Variants in IL23R observed in about 807,000 individuals in gnomAD.
IL23R encodes the protein interleukin 23 receptor, also known as interleukin-23 receptor.
A neutral mutation model predicts 56.9 loss-of-function variants in IL23R; 34 were observed. The observed-to-expected ratio is 0.60, with a 90% CI of 0.45 to 0.80. The LOEUF is 0.80. Ranked by LOEUF, IL23R falls within the 30% of genes least tolerant of loss-of-function variation. The probability of loss-of-function intolerance (pLI) is 0.00; values close to 1 mark genes in which losing one functional copy is unlikely to be tolerated. For synonymous variants in IL23R, 230 were observed against 249.2 expected (o/e 0.92, Z 0.73); for missense variants, 635 against 730.0 (o/e 0.87, Z 1.50).
intron 5 of IL23R, among the ~76,000 whole-genome samples, chr1:67,203,121 A>T (rs1488757491): frequency 6.6e-6 from 1 of 151,982 alleles, no homozygotes; most frequent in African/African-American, 2.4e-5. Context: ...TAATAATAAT[A>T]CTTGTATTAT....
At chr1:67,142,505 T>G (rs140687846) in intron 1 of IL23R, among the ~76,000 whole-genome samples, 1 of 152,334 alleles carries the variant, frequency 6.6e-6, no homozygotes, top group African/African-American at 2.4e-5. Context: ...GCCTCTCCCA[T>G]TGGCCTGCTC....
intron 1 of IL23R, among the ~76,000 whole-genome samples, chr1:67,167,653 G>A (rs1364951441): frequency 6.6e-6 from 1 of 152,152 alleles, no homozygotes; most frequent in South Asian, 2.1e-4. Context: ...GAGCCCAGGA[G>A]TTTGAGGTTA....
intron 1 of IL23R, among the ~76,000 whole-genome samples, chr1:67,145,317 AGCCTGG>A (rs556412776): frequency 3.3e-5 from 5 of 152,212 alleles, no homozygotes; most frequent in Non-Finnish European, 7.3e-5. Context: ...ACTGCCCTCC[AGCCTGG>A]GCAACAAGAG....
chr1:67,257,136 C>T (rs1652993179), intron 10 of IL23R, among the ~76,000 whole-genome samples: 1 of 152,192 alleles, frequency 6.6e-6, no homozygotes, highest in African/African-American at 2.4e-5. Context: ...TTGCTAAACT[C>T]CTTTCCTATT....
intron 4 of IL23R, among the ~76,000 whole-genome samples, chr1:67,192,326 A>G (rs1165684688): frequency 6.6e-6 from 1 of 152,188 alleles, no homozygotes; most frequent in Non-Finnish European, 1.5e-5. Flanking sequence ...AGTCCTTGGG[A>G]ACAGTTCTTA....
intron 3 of IL23R, among the ~76,000 whole-genome samples, chr1:67,180,060 G>T (rs7334720): frequency 0.054 from 8,180 of 152,182 alleles, 318 homozygotes; most frequent in African/African-American, 0.098. Flanking sequence ...ATTTGGAAGA[G>T]GTGTGGTGTG....
chr1:67,253,929 TAAAAC>T (rs1361347958), intron 9 of IL23R, among the ~76,000 whole-genome samples: 7 of 152,154 alleles, frequency 4.6e-5, no homozygotes, highest in Admixed American at 4.6e-4. Flanking sequence ...TTTAAAAAGA[TAAAAC>T]AAGACATAAT....
At chr1:67,179,960 T>C (rs12171757) in intron 3 of IL23R, among the ~76,000 whole-genome samples, 4 of 152,214 alleles carry the variant, frequency 2.6e-5, no homozygotes, top group Non-Finnish European at 5.9e-5. Context: ...GAGTCCTAGT[T>C]TGATTGCACT....
chr1:67,178,873 A>G (rs1647049394), intron 3 of IL23R, among the ~76,000 whole-genome samples: 1 of 152,204 alleles, frequency 6.6e-6, no homozygotes, highest in South Asian at 2.1e-4. Context: ...TATTGAGACA[A>G]TCATGTGGTT....
intron 4 of IL23R, among the ~76,000 whole-genome samples, chr1:67,189,281 A>G (rs1432121715): frequency 6.6e-6 from 1 of 152,140 alleles, no homozygotes; most frequent in Non-Finnish European, 1.5e-5. Context: ...ATATTTGTTG[A>G]GTAATTATTC....
chr1:67,228,363 C>CTTTTTTT (rs78083258), intron 7 of IL23R, among the ~76,000 whole-genome samples: 4 of 105,790 alleles, frequency 3.8e-5, no homozygotes, highest in African/African-American at 1.0e-4. Flanking sequence ...TTTTTTCTTC[C>CTTTTTTT]TTTTTTTTTT....
chr1:67,260,345 G>A (rs1380591975), downstream of IL23R, among the ~76,000 whole-genome samples: 3 of 152,126 alleles, frequency 2.0e-5, no homozygotes, highest in African/African-American at 7.2e-5. Context: ...GGATCAGCAA[G>A]ACGTAATTTT....
At chr1:67,178,895 T>C (rs1647049745) in intron 3 of IL23R, among the ~76,000 whole-genome samples, 1 of 152,216 alleles carries the variant, frequency 6.6e-6, no homozygotes, top group Admixed American at 6.5e-5. Context: ...TTGTCATTGG[T>C]TCTGTTGATA....
chr1:67,217,208 C>T (rs575304157), intron 6 of IL23R, among the ~76,000 whole-genome samples: 1 of 152,276 alleles, frequency 6.6e-6, no homozygotes, highest in Admixed American at 6.5e-5. Context: ...AGAGTTGAGG[C>T]TCTAAGTAGA....
intron 4 of IL23R, among the ~76,000 whole-genome samples, chr1:67,198,808 G>A (rs4655527): frequency 0.37 from 56,415 of 151,982 alleles, 10,624 homozygotes; most frequent in Admixed American, 0.47. Context: ...AATTGGGCAT[G>A]GTAGTACGTG....
At chr1:67,230,009 G>A (rs539380517) in intron 7 of IL23R, among the ~76,000 whole-genome samples, 14 of 152,354 alleles carry the variant, frequency 9.2e-5, no homozygotes, top group African/African-American at 3.1e-4. Context: ...AACAGGATCC[G>A]AGTGAGAGCA....
At chr1:67,242,582 G>C (rs770979650) in intron 9 of IL23R, among the ~76,000 whole-genome samples, 43 of 152,132 alleles carry the variant, frequency 2.8e-4, no homozygotes, top group South Asian at 4.1e-4. Context: ...GGTGTGGAGG[G>C]ACCCTCCTCA....
At chr1:67,191,236 C>T (rs1647716975) in intron 4 of IL23R, among the ~76,000 whole-genome samples, 1 of 152,178 alleles carries the variant, frequency 6.6e-6, no homozygotes, top group African/African-American at 2.4e-5. Context: ...AGTATCTTCC[C>T]TTCCTCACTC....
upstream of IL23R, among the ~76,000 whole-genome samples, chr1:67,165,272 ACCTTTTGGGGTG>A (rs1442215448): frequency 6.6e-6 from 1 of 152,040 alleles, no homozygotes; most frequent in Non-Finnish European, 1.5e-5. Flanking sequence ...ATCACTTCCC[ACCTTTTGGGGTG>A]CCTATGATAA....
Sources: gnomAD v4.1 joint callset for allele counts (sites outside exome capture counted in the v4.1 genomes callset) on GRCh38, gnomAD v4.1.1 for gene constraint, MANE v1.5 for transcripts, NCBI Gene and HGNC (gene_info 2026-07-23, HGNC 2026-07-21) for gene names.